The following MAP2K6 variants were observed in gnomAD, a reference collection of about 807,000 sequenced individuals.
MAP2K6 encodes dual specificity mitogen-activated protein kinase kinase 6.
In MAP2K6, 16 loss-of-function variants were observed where a neutral mutation model predicts 53.7. That is an observed-to-expected ratio of 0.30 (90% CI 0.20 to 0.45). The LOEUF is 0.45. MAP2K6 is among the 20% of genes least tolerant of loss of function. The pLI, the probability that MAP2K6 is intolerant of heterozygous loss-of-function variation, is 1.00. For synonymous variants in MAP2K6, 132 were observed against 143.1 expected (o/e 0.92, Z 0.55); for missense variants, 204 against 411.9 (o/e 0.50, Z 4.37).
chr17:69,505,514 A>G lies in MAP2K6; in HGVS notation c.17-266A>G, dbSNP rs1909421109. 3 of 307,152 alleles carry G rather than the reference A, an allele frequency of 9.8e-6. No individual in the cohort carries two copies. The South Asian group carries it at 1.6e-4, about 16-fold the overall frequency. 19.0% of individuals were successfully genotyped at this position (307,152 alleles called of 1,614,324 possible). ...GGAGAAAGGGCAGATCTTCCTAGGAAAAGAGAGTTGGCATTCTCATCCTGA... is the reference window on the plus strand; with the variant it reads ...GGAGAAAGGGCAGATCTTCCTAGGAGAAGAGAGTTGGCATTCTCATCCTGA... On this transcript the variant is annotated intron_variant, in intron 1 of 11. Coordinates refer to ENST00000590474, the MANE Select transcript of MAP2K6 (RefSeq NM_002758.4).
At chr17:69,533,559 G>A (rs1319710778) in intron 10 of MAP2K6, among the ~76,000 whole-genome samples, 1 of 152,136 alleles carries the variant, frequency 6.6e-6, no homozygotes, top group African/African-American at 2.4e-5. Context: ...CGGAGTTTAA[G>A]GTCTAAATAG....
chr17:69,452,550 A>G (rs1412189978), intron 1 of MAP2K6, among the ~76,000 whole-genome samples: 3 of 152,234 alleles, frequency 2.0e-5, no homozygotes, highest in African/African-American at 7.2e-5. Context: ...AATCTAGATA[A>G]CAGTAGATTC....
At chr17:69,477,907 G>A (rs1908207690) in intron 1 of MAP2K6, among the ~76,000 whole-genome samples, 1 of 152,158 alleles carries the variant, frequency 6.6e-6, no homozygotes, top group South Asian at 2.1e-4. Flanking sequence ...ATGAGGGACG[G>A]GTTCATAGGA....
intron 1 of MAP2K6, among the ~76,000 whole-genome samples, chr17:69,470,014 C>A (rs1034065208): frequency 1.3e-5 from 2 of 151,924 alleles, no homozygotes; most frequent in African/African-American, 4.8e-5. Context: ...CCAACCTGGG[C>A]AACATGGCAA....
At chr17:69,484,891 G>A (rs1908472772) in intron 1 of MAP2K6, among the ~76,000 whole-genome samples, 1 of 152,094 alleles carries the variant, frequency 6.6e-6, no homozygotes, top group African/African-American at 2.4e-5. Flanking sequence ...GAGACAGAAA[G>A]TAGGCTAGTA....
intron 1 of MAP2K6, among the ~76,000 whole-genome samples, chr17:69,475,699 T>C (rs922750264): frequency 3.6e-4 from 55 of 152,210 alleles, no homozygotes; most frequent in African/African-American, 1.3e-3. Flanking sequence ...TCCTTCTTCC[T>C]AGGAGAAACC....
rs985098249 is a variant in MAP2K6 at position 69,545,089 on chromosome 17, G to A, written c.*3336G>A. The A allele has an allele frequency of 1.3e-5, 2 of 152,118 alleles. No homozygotes were observed. The highest frequency in any genetic ancestry group is 4.8e-5 in the African/African-American group (2 of 41,414). 9.4% of individuals were successfully genotyped at this position (152,118 alleles called of 1,614,324 possible). ...TCAGAGCTGGAGTTTTAGCATCATT[G>A]ACTCTTTGTAAAACGCCATGTCATG... On this transcript the variant is annotated 3_prime_UTR_variant, in exon 12 of 12. Transcript: ENST00000590474.
rs189726599 is a variant in MAP2K6, at chr17:69,508,555, C to T, written c.83+2709C>T. On this transcript the variant is annotated intron_variant, in intron 2 of 11. Transcript: ENST00000590474. The stretch of plus-strand genomic sequence containing the variant: ...ATATTCTGGACACGAGGACTTTGTC[C>T]GATATATATGTGATATGAAAATATT... Among the ~76,000 whole-genome samples, 43 of 152,074 alleles carry T rather than the reference C, an allele frequency of 2.8e-4. 1 individual carries two copies. The South Asian group carries it at 3.3e-3, about 12-fold the overall frequency.
intron 1 of MAP2K6, among the ~76,000 whole-genome samples, chr17:69,431,003 A>T (rs1385716749): frequency 6.6e-6 from 1 of 152,238 alleles, no homozygotes; most frequent in Admixed American, 6.5e-5. Flanking sequence ...CCTTTGATCC[A>T]GCATTTTTAT....
At chr17:69,421,794 C>T (rs893508186) in intron 1 of MAP2K6, among the ~76,000 whole-genome samples, 8 of 152,072 alleles carry the variant, frequency 5.3e-5, no homozygotes, top group African/African-American at 1.9e-4. Context: ...CCACCCGCCT[C>T]GGCCTCCCAA....
intron 1 of MAP2K6, among the ~76,000 whole-genome samples, chr17:69,459,199 C>A (rs773140928): frequency 6.6e-6 from 1 of 152,088 alleles, no homozygotes; most frequent in Non-Finnish European, 1.5e-5. Context: ...ATTTTAATTT[C>A]TAATTCCTTT....
intron 1 of MAP2K6, among the ~76,000 whole-genome samples, chr17:69,454,792 A>G (rs778034838): frequency 3.3e-5 from 5 of 152,200 alleles, no homozygotes; most frequent in Non-Finnish European, 7.3e-5. Flanking sequence ...TTCAAGGACT[A>G]TTTGATAAAA....
At chr17:69,490,125 G>A (rs1218340297) in intron 1 of MAP2K6, among the ~76,000 whole-genome samples, 2 of 152,162 alleles carry the variant, frequency 1.3e-5, no homozygotes, top group African/African-American at 4.8e-5. Context: ...AACATGAAGA[G>A]TTTCAGAATT....
chr17:69,473,932 A>C lies in MAP2K6; in HGVS notation c.17-31848A>C, dbSNP rs146349971. On this transcript the variant is annotated intron_variant, in intron 1 of 11. Coordinates refer to ENST00000590474, the MANE Select transcript of MAP2K6 (RefSeq NM_002758.4). ...AAGCCAGACTTTCTGAATGCAGCTT[A>C]ATGCCCAAGACCAAAATAGACTAGT... 3.2e-4 allele frequency among the ~76,000 whole-genome samples: 48 copies of C among 152,340 alleles called. 1 individual carries two copies. In the East Asian group the frequency reaches 8.5e-3, roughly 27 times the overall value.
intron 1 of MAP2K6, among the ~76,000 whole-genome samples, chr17:69,428,520 T>C (rs1371067138): frequency 6.6e-6 from 1 of 152,206 alleles, no homozygotes; most frequent in East Asian, 1.9e-4. Context: ...TAAGATCCCA[T>C]TCAGAGATGC....
chr17:69,508,318 T>A (rs1478659720), intron 2 of MAP2K6, among the ~76,000 whole-genome samples: 1 of 151,996 alleles, frequency 6.6e-6, no homozygotes, highest in Non-Finnish European at 1.5e-5. Context: ...CCACCTGCCT[T>A]GGCCTCCCAA....
intron 7 of MAP2K6, chr17:69,521,786 A>G (rs1364834119): frequency 7.2e-6 from 1 of 138,974 alleles, no homozygotes; most frequent in African/African-American, 2.7e-5. Context: ...GGATTCTTAT[A>G]GGGAAGTAAG....
intron 1 of MAP2K6, among the ~76,000 whole-genome samples, chr17:69,450,306 A>C (rs1907176551): frequency 6.6e-6 from 1 of 152,102 alleles, no homozygotes; most frequent in African/African-American, 2.4e-5. Flanking sequence ...GCACTGCATG[A>C]ATTCATGTAG....
At chr17:69,458,689 A>G (rs1271426485) in intron 1 of MAP2K6, among the ~76,000 whole-genome samples, 1 of 152,056 alleles carries the variant, frequency 6.6e-6, no homozygotes, top group African/African-American at 2.4e-5. Flanking sequence ...TTATTGAAAT[A>G]CTCTTACCTT....
Sources: gnomAD v4.1 joint callset for allele counts (sites outside exome capture counted in the v4.1 genomes callset) on GRCh38, gnomAD v4.1.1 for gene constraint, MANE v1.5 for transcripts, NCBI Gene and HGNC (gene_info 2026-07-23, HGNC 2026-07-21) for gene names.